TMEM52B: variants seen among roughly 807,000 people sequenced by gnomAD.
TMEM52B encodes transmembrane protein 52B.
Under a neutral mutation model 16.1 loss-of-function variants are expected in TMEM52B, and 11 were observed. The observed-to-expected ratio is 0.68, with a 90% CI of 0.43 to 1.13. TMEM52B has a LOEUF of 1.13. TMEM52B is among the 50% of genes most tolerant of loss of function. The pLI is 0.00. For missense variants in TMEM52B, 243 were observed against 230.4 expected (o/e 1.05, Z -0.35); for synonymous variants, 101 against 93.8 (o/e 1.08, Z -0.45).
chr12:10,186,040 T>TA (rs879694650), intron 3 of TMEM52B, among the ~76,000 whole-genome samples: 54 of 143,060 alleles, frequency 3.8e-4, no homozygotes, highest in East Asian at 8.0e-4. Flanking sequence ...AAACTCTGTC[T>TA]AAAAAAAAAA....
chr12:10,175,369 C>A (rs1046283312), upstream of TMEM52B: 1 of 152,132 alleles, frequency 6.6e-6, no homozygotes, highest in Admixed American at 6.5e-5. Flanking sequence ...TTCCCAGGCT[C>A]ACCTGAGAAT....
At chr12:10,182,020 CAAAAAA>C in intron 1 of TMEM52B, 16 of 663,326 alleles carry the variant, frequency 2.4e-5, no homozygotes, top group South Asian at 7.7e-5. Context: ...GAGCAAGACT[CAAAAAA>C]AAAAAAAAAA....
upstream of TMEM52B, among the ~76,000 whole-genome samples, chr12:10,176,196 C>G (rs1315763880): frequency 6.6e-6 from 1 of 152,130 alleles, no homozygotes; most frequent in Non-Finnish European, 1.5e-5. Context: ...TTTCATCATT[C>G]CCTATATGGA....
At chr12:10,180,578 T>C (rs1042246077) in intron 1 of TMEM52B, among the ~76,000 whole-genome samples, 4 of 152,156 alleles carry the variant, frequency 2.6e-5, no homozygotes, top group Non-Finnish European at 4.4e-5. Context: ...TCTCAAATGT[T>C]ACCTGCAAAG....
chr12:10,181,281 T>A (rs1032987382), intron 1 of TMEM52B, among the ~76,000 whole-genome samples: 1 of 152,100 alleles, frequency 6.6e-6, no homozygotes, highest in African/African-American at 2.4e-5. Context: ...AACACATATC[T>A]ATGATAGAGT....
Position 10,179,349 on chromosome 12 carries a change from A to C in TMEM52B, c.-226A>C. 1.8e-6 allele frequency: 1 copy of C among 551,132 alleles called. No individual in the cohort carries two copies. Among genetic ancestry groups the C allele is most frequent in the South Asian group, 2.3e-5 (1 of 43,412 alleles). 34.1% of individuals were successfully genotyped at this position (551,132 alleles called of 1,614,324 possible). A position where few individuals can be genotyped will look rare whatever the true frequency, so the allele number is the denominator to read the frequency against. ...TGTGGAGGCCATAGAAATAGTAATAAGAATAAAGAAGAAAAACAGGAAAGA... is the reference window on the plus strand; with the variant it reads ...TGTGGAGGCCATAGAAATAGTAATACGAATAAAGAAGAAAAACAGGAAAGA... On this transcript the variant is annotated 5_prime_UTR_variant, in exon 1 of 5. Transcript: ENST00000543484.
At chr12:10,186,736 G>C in intron 4 of TMEM52B, 147 bp downstream of exon 4, 4 of 807,946 alleles carry the variant, frequency 5.0e-6, no homozygotes, top group Non-Finnish European at 6.9e-6. Flanking sequence ...TGATGGTGCA[G>C]TGACCTGGGC....
At chr12:10,183,125 C>A (rs1172720943) in intron 2 of TMEM52B, among the ~76,000 whole-genome samples, 1 of 152,044 alleles carries the variant, frequency 6.6e-6, no homozygotes, top group Non-Finnish European at 1.5e-5. Context: ...GATAAAAATG[C>A]AAAAGAATCA....
chr12:10,189,640 A>AAT (rs1299881310), intron 4 of TMEM52B, among the ~76,000 whole-genome samples: 2 of 149,130 alleles, frequency 1.3e-5, no homozygotes, highest in Admixed American at 6.7e-5. Context: ...AAAAAAAAAA[A>AAT]AAGAGAGAGA....
chr12:10,178,643 AAG>A (rs141826102), upstream of TMEM52B, among the ~76,000 whole-genome samples: 23 of 149,844 alleles, frequency 1.5e-4, no homozygotes, highest in South Asian at 2.1e-4. Flanking sequence ...TCCTTAACCA[AAG>A]AGAGAGAGAG....
chr12:10,186,309 C>A, intron 3 of TMEM52B, 111 bp from the exon 4 acceptor site: 2 of 695,514 alleles, frequency 2.9e-6, no homozygotes, highest in East Asian at 3.6e-5. Flanking sequence ...TATAATTATT[C>A]TATAAAATGT....
intron 4 of TMEM52B, 99 bp downstream of exon 4, chr12:10,186,688 G>A (rs999078893): frequency 7.2e-6 from 9 of 1,243,008 alleles, no homozygotes; most frequent in African/African-American, 1.5e-5. Flanking sequence ...TAATATTAAA[G>A]ATTCCAGGAC....
At chr12:10,171,970 T>C (rs760612923) in intron 1 of TMEM52B, 2 of 1,529,008 alleles carry the variant, frequency 1.3e-6, no homozygotes, top group African/African-American at 2.7e-5. Flanking sequence ...ACTGGGATTC[T>C]TTCCCTGTAC....
At chr12:10,178,573 T>A (rs1263908014), upstream of TMEM52B, among the ~76,000 whole-genome samples, 2 of 152,036 alleles carry the variant, frequency 1.3e-5, no homozygotes, top group South Asian at 4.2e-4. Flanking sequence ...GTGCTTGTTT[T>A]TACTCTAACC....
At chr12:10,177,809 TAA>T (rs1948778610), upstream of TMEM52B, among the ~76,000 whole-genome samples, 1 of 74,562 alleles carries the variant, frequency 1.3e-5, no homozygotes, top group East Asian at 2.1e-4. Flanking sequence ...ATAATAATAA[TAA>T]TAATTTTTTT....
chr12:10,173,809 C>T (rs1948744988), intron 1 of TMEM52B, among the ~76,000 whole-genome samples: 1 of 149,882 alleles, frequency 6.7e-6, no homozygotes, highest in African/African-American at 2.5e-5. Context: ...AACGATATCA[C>T]ACTGAAAAGG....
intron 1 of TMEM52B, among the ~76,000 whole-genome samples, chr12:10,171,523 T>A (rs1159810607): frequency 6.6e-6 from 1 of 152,238 alleles, no homozygotes; most frequent in Non-Finnish European, 1.5e-5. Context: ...TTGTAGTGCC[T>A]GAAGGACTCT....
chr12:10,176,910 T>TG (rs1353614340), upstream of TMEM52B, among the ~76,000 whole-genome samples: 1 of 152,210 alleles, frequency 6.6e-6, no homozygotes, highest in Non-Finnish European at 1.5e-5. Flanking sequence ...CTTTAGGTCT[T>TG]GGTGCTCTAC....
chr12:10,187,661 G>A (rs975588197), intron 4 of TMEM52B, among the ~76,000 whole-genome samples: 1 of 151,928 alleles, frequency 6.6e-6, no homozygotes, highest in Non-Finnish European at 1.5e-5. Context: ...TCAAACTCCT[G>A]ACCTCATGAT....
Sources: gnomAD v4.1 joint callset for allele counts (sites outside exome capture counted in the v4.1 genomes callset) on GRCh38, gnomAD v4.1.1 for gene constraint, MANE v1.5 for transcripts, NCBI Gene and HGNC (gene_info 2026-07-23, HGNC 2026-07-21) for gene names.